The following TRDN variants were observed in gnomAD, a reference collection of about 807,000 sequenced individuals.
The protein encoded by TRDN is triadin.
In TRDN, 161 loss-of-function variants were observed where a neutral mutation model predicts 149.7. That is an observed-to-expected ratio of 1.08 (90% confidence interval 0.95 to 1.23). The LOEUF (loss-of-function observed/expected upper bound fraction) is 1.23, where lower values mean the gene tolerates loss of function less well. Ranked by LOEUF, TRDN falls within the 50% of genes most tolerant of loss-of-function variation. The pLI is 0.00. For missense variants in TRDN, 896 were observed against 823.5 expected (o/e 1.09, Z -1.08); for synonymous variants, 294 against 250.5 (o/e 1.17, Z -1.64).
chr6:123,499,053 TA>T (rs533526523), intron 8 of TRDN, among the ~76,000 whole-genome samples: 1 of 152,204 alleles, frequency 6.6e-6, no homozygotes, highest in Non-Finnish European at 1.5e-5. Flanking sequence ...TGAATCTAAT[TA>T]GACTGCATTT....
chr6:123,413,028 G>GA (rs1190208983), intron 12 of TRDN, among the ~76,000 whole-genome samples: 2 of 151,962 alleles, frequency 1.3e-5, no homozygotes, highest in African/African-American at 4.8e-5. Context: ...GGTGGACAAT[G>GA]AAAAAATCAC....
At chr6:123,226,362 C>T (rs1775366385) in intron 38 of TRDN, among the ~76,000 whole-genome samples, 1 of 151,672 alleles carries the variant, frequency 6.6e-6, no homozygotes. Context: ...AAGTTCTGTA[C>T]AAAAATAAAA....
intron 4 of TRDN, among the ~76,000 whole-genome samples, chr6:123,545,380 T>A (rs972434636): frequency 2.6e-5 from 4 of 151,894 alleles, no homozygotes; most frequent in Non-Finnish European, 5.9e-5. Flanking sequence ...TATAAAATAT[T>A]ACCTACTGCT....
chr6:123,557,645 C>G (rs146169390), intron 2 of TRDN, among the ~76,000 whole-genome samples: 6 of 152,124 alleles, frequency 3.9e-5, no homozygotes, highest in Admixed American at 3.9e-4. Flanking sequence ...GGACAACTGC[C>G]TGATTATTCA....
intron 19 of TRDN, among the ~76,000 whole-genome samples, 181 bp downstream of exon 19, chr6:123,375,424 A>G (rs1006574762): frequency 6.6e-6 from 1 of 152,180 alleles, no homozygotes; most frequent in South Asian, 2.1e-4. Context: ...ATAAATTTTA[A>G]TAAGAATGAA....
At chr6:123,252,030 G>A (rs1776393311) in intron 38 of TRDN, among the ~76,000 whole-genome samples, 1 of 152,056 alleles carries the variant, frequency 6.6e-6, no homozygotes, top group South Asian at 2.1e-4. Flanking sequence ...CTAGAAAACA[G>A]CAGCAAAAGC....
intron 21 of TRDN, chr6:123,351,031 T>C: frequency 2.1e-6 from 2 of 949,328 alleles, no homozygotes; most frequent in South Asian, 1.0e-4. Context: ...TTTGGTACTA[T>C]TATTAGTGTG....
At chr6:123,476,877 A>T (rs1267617316) in intron 9 of TRDN, among the ~76,000 whole-genome samples, 2 of 151,930 alleles carry the variant, frequency 1.3e-5, no homozygotes, top group Non-Finnish European at 2.9e-5. Flanking sequence ...CTGAAACTGG[A>T]TGCCTTCCTT....
In TRDN at chr6:123,377,739, T is replaced by G. The variant is rs2114402336; in HGVS notation, c.1223A>C (p.Lys408Thr). ...ACCTGAGTGTTCTTTCTTTGGTGAC[T>G]TTGCTGTATCAAAAAGGAAAGAAAA... ...EKKEKHVEPA[K>T]SPKKEHSVPS... The change falls in exon 18 of 41, where the codon AAG becomes ACG. Residue 408 changes from lysine (K) to threonine (T), a missense_variant. Coordinates refer to ENST00000334268, the MANE Select transcript of TRDN (RefSeq NM_006073.4). 1.9e-6 allele frequency: 3 copies of G among 1,613,230 alleles called. No individual in the cohort carries two copies. Among genetic ancestry groups the G allele is most frequent in the African/African-American group, 2.7e-5 (2 of 74,994 alleles).
At chr6:123,533,204 A>G (rs979480154) in intron 4 of TRDN, among the ~76,000 whole-genome samples, 2 of 152,132 alleles carry the variant, frequency 1.3e-5, no homozygotes, top group African/African-American at 4.8e-5. Flanking sequence ...TCACCATGTA[A>G]TGGGGAGGCC....
chr6:123,421,962 A>G (rs952412539), intron 12 of TRDN, among the ~76,000 whole-genome samples: 1 of 152,092 alleles, frequency 6.6e-6, no homozygotes, highest in South Asian at 2.1e-4. Flanking sequence ...GAGAAAGGTC[A>G]CATCTCAAAA....
At chr6:123,498,095 C>T (rs1032635692) in intron 8 of TRDN, 2 of 156,470 alleles carry the variant, frequency 1.3e-5, no homozygotes, top group Non-Finnish European at 2.8e-5. Context: ...GAATCTTTAC[C>T]GTATCTGCTT....
rs1403860057 is a variant in TRDN, at chr6:123,394,172, TGTG to T, written c.1052-498_1052-496del. On this transcript the variant is annotated intron_variant, in intron 12 of 40. Transcript: ENST00000334268. Reference sequence around the variant, plus strand: ...CTGCAGTGGCACCAATCACTATTAGTGTGGCCCTGGGCAAAATATATCCGAGAG... The same window carrying T: ...CTGCAGTGGCACCAATCACTATTAGTGCCCTGGGCAAAATATATCCGAGAG... 5.3e-5 allele frequency among the ~76,000 whole-genome samples: 8 copies of T among 152,258 alleles called. No homozygotes were observed. The East Asian group carries it at 1.5e-3, about 29-fold the overall frequency.
chr6:123,543,501 G>T (rs4260766), intron 4 of TRDN, among the ~76,000 whole-genome samples: 1 of 152,120 alleles, frequency 6.6e-6, no homozygotes, highest in Admixed American at 6.5e-5. Context: ...GTGAATCTTA[G>T]ACCTCTGTGC....
At chr6:123,471,748 T>C (rs1218749914) in intron 9 of TRDN, 1 of 152,202 alleles carries the variant, frequency 6.6e-6, no homozygotes, top group Non-Finnish European at 1.5e-5. Context: ...TGATTAAAAA[T>C]GATAAAGGTA....
intron 2 of TRDN, among the ~76,000 whole-genome samples, chr6:123,553,516 A>C (rs1382753309): frequency 6.6e-6 from 1 of 152,142 alleles, no homozygotes; most frequent in Non-Finnish European, 1.5e-5. Flanking sequence ...ACTCAAGCAC[A>C]GTGTACGTAA....
intron 24 of TRDN, among the ~76,000 whole-genome samples, chr6:123,294,155 AT>A (rs1482310552): frequency 6.6e-6 from 1 of 152,202 alleles, no homozygotes; most frequent in Non-Finnish European, 1.5e-5. Flanking sequence ...AAAGTTAATA[AT>A]AAAACATGCT....
At chr6:123,317,232 A>C (rs1443800181) in intron 23 of TRDN, among the ~76,000 whole-genome samples, 1 of 151,700 alleles carries the variant, frequency 6.6e-6, no homozygotes, top group Non-Finnish European at 1.5e-5. Context: ...CAACTTTCCT[A>C]GGCTTTATAA....
At chr6:123,559,894 A>G (rs1583245150) in intron 2 of TRDN, among the ~76,000 whole-genome samples, 1 of 152,200 alleles carries the variant, frequency 6.6e-6, no homozygotes, top group East Asian at 1.9e-4. Context: ...TTTCTTTACT[A>G]TTCCTTTGCA....
Sources: allele counts gnomAD v4.1 joint callset (sites outside exome capture counted in the v4.1 genomes callset), GRCh38; gene constraint gnomAD v4.1.1; transcripts MANE v1.5; gene names NCBI Gene and HGNC (gene_info 2026-07-23, HGNC 2026-07-21).